Variants in CUX2 observed in about 807,000 individuals in gnomAD.
The protein encoded by CUX2 is cut like homeobox 2, also known as homeobox protein cut-like 2.
A neutral mutation model predicts 144.8 loss-of-function variants in CUX2; 40 were observed. That is an observed-to-expected ratio of 0.28 (90% CI 0.21 to 0.36). The LOEUF is 0.36. Ranked by LOEUF, CUX2 falls within the 10% of genes least tolerant of loss-of-function variation. The pLI is 1.00. For missense variants in CUX2, 1,615 were observed against 1,994.0 expected (o/e 0.81, Z 3.62); for synonymous variants, 827 against 875.6 (o/e 0.94, Z 0.98).
chr12:111,122,969 A>G (rs1230834202), intron 1 of CUX2, among the ~76,000 whole-genome samples: 2 of 152,170 alleles, frequency 1.3e-5, no homozygotes, highest in Non-Finnish European at 2.9e-5. Flanking sequence ...TTCTTCCTGG[A>G]TGGATAACTC....
chr12:111,073,906 T>C (rs1871375944), intron 1 of CUX2, among the ~76,000 whole-genome samples: 1 of 151,922 alleles, frequency 6.6e-6, no homozygotes, highest in African/African-American at 2.4e-5. Flanking sequence ...CAGTGAGCGA[T>C]GATCACACCA....
At chr12:111,204,616 T>C (rs1381247818) in intron 1 of CUX2, among the ~76,000 whole-genome samples, 1 of 152,192 alleles carries the variant, frequency 6.6e-6, no homozygotes, top group African/African-American at 2.4e-5. Context: ...CGCCGTGTGA[T>C]GTGGGACGAG....
In CUX2 at chr12:111,295,482, G is replaced by T. The variant is rs889236217; in HGVS notation, c.637+73G>T. On this transcript the variant is annotated intron_variant, in intron 7 of 21. Coordinates refer to ENST00000261726, the MANE Select transcript of CUX2 (RefSeq NM_015267.4). The surrounding 1 kb of genome is among the most constrained non-coding windows in gnomAD (Gnocchi z 5.0). The stretch of plus-strand genomic sequence containing the variant: ...GTAATGCTGTCAACGAGGGGTCACG[G>T]CTTGGGGTCTGCCACATCCAGGTGT... 5.2e-6 allele frequency: 7 copies of T among 1,335,846 alleles called. No homozygotes were observed. Among genetic ancestry groups the T allele is most frequent in the Non-Finnish European group, 3.1e-6 (3 of 963,286 alleles). 82.7% of individuals were successfully genotyped at this position (1,335,846 alleles called of 1,614,324 possible).
intron 1 of CUX2, among the ~76,000 whole-genome samples, chr12:111,149,297 G>T (rs1480020315): frequency 2.0e-5 from 3 of 152,142 alleles, no homozygotes; most frequent in Admixed American, 6.6e-5. Context: ...GCTATTGTTG[G>T]TGTATTTTAT....
chr12:111,278,625 G>C, intron 4 of CUX2, among the ~76,000 whole-genome samples: 1 of 152,174 alleles, frequency 6.6e-6, no homozygotes, highest in East Asian at 1.9e-4. Context: ...TATGTGAAGA[G>C]CCAGAGCAGG....
chr12:111,327,680 A>G (rs1347767921), intron 18 of CUX2, among the ~76,000 whole-genome samples: 1 of 152,170 alleles, frequency 6.6e-6, no homozygotes, highest in African/African-American at 2.4e-5. Context: ...AAGGAATGGC[A>G]CAGGCAGCGG....
intron 1 of CUX2, among the ~76,000 whole-genome samples, chr12:111,087,433 C>T (rs1318660952): frequency 6.7e-6 from 1 of 149,712 alleles, no homozygotes; most frequent in Non-Finnish European, 1.5e-5. Flanking sequence ...AAGAAGTCAC[C>T]AGAGTTTTCT....
At chr12:111,063,367 G>T (rs934650966) in intron 1 of CUX2, among the ~76,000 whole-genome samples, 3 of 151,512 alleles carry the variant, frequency 2.0e-5, no homozygotes, top group African/African-American at 7.3e-5. Flanking sequence ...GTCCAACATT[G>T]CTCCAGGCGT....
chr12:111,320,524 G>T lies in CUX2; in HGVS notation c.2515G>T (p.Ala839Ser). Residue 839 changes from alanine to serine, a missense_variant, in exon 17 of 22, where the codon GCG (alanine) becomes TCG (serine). Physicochemically the swap from Ala to Ser is moderately conservative, Grantham distance 99 (BLOSUM62 1). This residue lies in a region of CUX2 where 390 missense variants were observed against 387.1 expected (regional missense o/e 1.01). Coordinates refer to ENST00000261726, the MANE Select transcript of CUX2 (RefSeq NM_015267.4). This position sits in a 1 kb window ranked among gnomAD's most constrained non-coding sequence, Gnocchi z 8.1. ...EAPVPPEDEA[A>S]AGAEDEPPRT... ...CCCTGTGCCCCCCGAGGACGAGGCG[G>T]CGGCAGGGGCGGAGGACGAACCCCC... 6.4e-7 allele frequency: 1 copy of T among 1,561,710 alleles called. No homozygotes were observed. The highest frequency in any genetic ancestry group is 8.6e-7 in the Non-Finnish European group (1 of 1,160,770).
At chr12:111,244,446 A>T (rs1398489098) in intron 3 of CUX2, among the ~76,000 whole-genome samples, 2 of 152,250 alleles carry the variant, frequency 1.3e-5, no homozygotes, top group Non-Finnish European at 1.5e-5. Flanking sequence ...CACTGTGCTC[A>T]TGAGCTTGGG....
Position 111,103,434 on chromosome 12 carries a change from G to A in CUX2, c.63+69194G>A, listed in dbSNP as rs114162385. 4.4e-3 allele frequency among the ~76,000 whole-genome samples: 670 copies of A among 152,318 alleles called. 2 individuals carry two copies. The highest frequency in any genetic ancestry group is 0.015 in the African/African-American group (634 of 41,576). Reference sequence around the variant, plus strand: ...GCTATCTCTCAACTCGAAGACCAGGGAATGGGTTAGAGGGAGTGAATATGA... The same window carrying A: ...GCTATCTCTCAACTCGAAGACCAGGAAATGGGTTAGAGGGAGTGAATATGA... On this transcript the variant is annotated intron_variant, in intron 1 of 21. Coordinates refer to ENST00000261726, the MANE Select transcript of CUX2 (RefSeq NM_015267.4).
intron 1 of CUX2, among the ~76,000 whole-genome samples, chr12:111,088,158 A>T: frequency 6.6e-6 from 1 of 152,196 alleles, no homozygotes; most frequent in East Asian, 1.9e-4. Context: ...ATGTGTGCTT[A>T]TCAAAGGGCA....
At chr12:111,313,016 G>C in intron 16 of CUX2, among the ~76,000 whole-genome samples, 1 of 152,156 alleles carries the variant, frequency 6.6e-6, no homozygotes. Context: ...TGGCTCTGCT[G>C]TTTATTGGCT....
At chr12:111,209,673 C>T (rs1021387745) in intron 1 of CUX2, among the ~76,000 whole-genome samples, 3 of 151,986 alleles carry the variant, frequency 2.0e-5, no homozygotes, top group Non-Finnish European at 4.4e-5. Context: ...AATGGCAAAC[C>T]CTCTCAGAGA....
chr12:111,343,113 C>A (rs1162127874), intron 21 of CUX2, among the ~76,000 whole-genome samples: 1 of 151,944 alleles, frequency 6.6e-6, no homozygotes, highest in Non-Finnish European at 1.5e-5. Flanking sequence ...GCCTGAGGAA[C>A]CCTGACTATT....
chr12:111,334,424 TTC>T lies in CUX2; in HGVS notation c.2927-13_2927-12del. ...CCAGATTATAGTAACCACCTTCTCT[TTC>T]TCTGTGGCCCACAGCCAGTCCCACA... is the stretch of plus-strand genomic sequence containing the variant. On this transcript the variant is annotated splice_polypyrimidine_tract_variant and intron_variant, in intron 18 of 21. Coordinates refer to ENST00000261726, the MANE Select transcript of CUX2 (RefSeq NM_015267.4). 6.4e-7 allele frequency: 1 copy of T among 1,558,422 alleles called. No homozygotes were observed. Among genetic ancestry groups the T allele is most frequent in the Non-Finnish European group, 8.7e-7 (1 of 1,154,240 alleles).
intron 3 of CUX2, among the ~76,000 whole-genome samples, chr12:111,249,388 G>A (rs899911268): frequency 1.4e-5 from 2 of 147,870 alleles, no homozygotes; most frequent in East Asian, 2.0e-4. Context: ...AAAAAGTCCC[G>A]GGTGCTATTG....
intron 1 of CUX2, among the ~76,000 whole-genome samples, chr12:111,159,572 AT>A (rs1184297061): frequency 6.6e-6 from 1 of 152,198 alleles, no homozygotes; most frequent in East Asian, 1.9e-4. Context: ...TAAGCAACTG[AT>A]CTGTAATTTT....
chr12:111,110,962 T>G (rs572626345), intron 1 of CUX2, among the ~76,000 whole-genome samples: 60 of 152,196 alleles, frequency 3.9e-4, no homozygotes, highest in African/African-American at 1.4e-3. Context: ...AGGGGAAGGG[T>G]GAGGCCTGCT....
Sources: allele counts gnomAD v4.1 joint callset (sites outside exome capture counted in the v4.1 genomes callset), GRCh38; gene constraint gnomAD v4.1.1; regional missense constraint gnomAD v4.1.1; non-coding constraint Gnocchi (gnomAD v3.1); transcripts MANE v1.5; gene names NCBI Gene and HGNC (gene_info 2026-07-23, HGNC 2026-07-21).